The following ZDHHC23 variants were observed in gnomAD, a reference collection of about 807,000 sequenced individuals.
ZDHHC23 encodes the protein zDHHC palmitoyltransferase 23.
Under a neutral mutation model 40.2 loss-of-function variants are expected in ZDHHC23, and 41 were observed. That is an observed-to-expected ratio of 1.02 (90% CI 0.79 to 1.32). The LOEUF is 1.32. Ranked by LOEUF, ZDHHC23 falls within the 40% of genes most tolerant of loss-of-function variation. ZDHHC23 has a pLI of 0.00. For synonymous variants in ZDHHC23, 204 were observed against 210.2 expected, an observed-to-expected ratio of 0.97 and a Z score of 0.26; for missense variants, 471 against 541.5, an observed-to-expected ratio of 0.87 and a Z score of 1.29.
downstream of ZDHHC23, among the ~76,000 whole-genome samples, chr3:113,963,829 A>G (rs1207333634): frequency 2.0e-5 from 3 of 152,142 alleles, no homozygotes; most frequent in African/African-American, 7.2e-5. Context: ...TTGTAAATGT[A>G]CTGTAGTTAG....
chr3:113,953,679 C>T, intron 2 of ZDHHC23, 21 bp from the exon 3 acceptor site: 2 of 1,593,144 alleles, frequency 1.3e-6, no homozygotes, highest in Non-Finnish European at 1.7e-6. Context: ...AGTCCCTCCT[C>T]TTTGTGCTTT....
At chr3:113,978,418 T>C in the ZDHHC23 span, 1 of 1,377,292 alleles carries the variant, frequency 7.3e-7, no homozygotes, top group East Asian at 2.3e-5. Flanking sequence ...AAGACAGAAA[T>C]GAAACAAAAG....
downstream of ZDHHC23, among the ~76,000 whole-genome samples, chr3:113,967,344 G>C (rs1940302190): frequency 6.7e-6 from 1 of 150,290 alleles, no homozygotes. Flanking sequence ...CTCCCCTTTG[G>C]GTGAAATCTT....
downstream of ZDHHC23, among the ~76,000 whole-genome samples, chr3:113,969,800 CTT>C (rs1383609044): frequency 6.6e-6 from 1 of 152,078 alleles, no homozygotes; most frequent in Non-Finnish European, 1.5e-5. Context: ...GAGCTTTGTT[CTT>C]TTTGCTTAGT....
At chr3:113,965,366 GAATA>G (rs1448757829), downstream of ZDHHC23, 5 of 1,526,846 alleles carry the variant, frequency 3.3e-6, no homozygotes, top group Non-Finnish European at 4.4e-6. Context: ...CCTCCTTTAA[GAATA>G]AAGAAGGAAA....
At chr3:113,956,019 G>A (rs2107488944) in intron 3 of ZDHHC23, among the ~76,000 whole-genome samples, 1 of 152,268 alleles carries the variant, frequency 6.6e-6, no homozygotes, top group African/African-American at 2.4e-5. Flanking sequence ...TGAGGTGGGT[G>A]GATCATGAGG....
downstream of ZDHHC23, among the ~76,000 whole-genome samples, chr3:113,967,995 T>C (rs748340696): frequency 1.1e-4 from 17 of 152,200 alleles, no homozygotes; most frequent in Non-Finnish European, 2.1e-4. Flanking sequence ...TAATATTCCA[T>C]TTTGTGTATA....
At chr3:113,957,267 C>G (rs943847176) in intron 4 of ZDHHC23, among the ~76,000 whole-genome samples, 3 of 152,182 alleles carry the variant, frequency 2.0e-5, no homozygotes, top group Admixed American at 1.3e-4. Context: ...TCTTTATTCT[C>G]ACTCTTCATT....
Position 113,960,132 on chromosome 3 carries a change from G to C in ZDHHC23, c.*1502G>C. The C allele has an allele frequency of 8.1e-6, 8 of 990,392 alleles. No individual in the cohort carries two copies. Among genetic ancestry groups the C allele is most frequent in the Non-Finnish European group, 9.6e-6 (8 of 832,718 alleles). 61.4% of individuals were successfully genotyped at this position (990,392 alleles called of 1,614,324 possible). Reference sequence around the variant, plus strand: ...CGTTTTCAGTCATTCTGTGCATGCTGCTTTAAGCAAGAGATTTATATTTGT... The same window carrying C: ...CGTTTTCAGTCATTCTGTGCATGCTCCTTTAAGCAAGAGATTTATATTTGT... On this transcript the variant is annotated 3_prime_UTR_variant, in exon 5 of 5. Coordinates refer to ENST00000638807, the MANE Select transcript of ZDHHC23 (RefSeq NM_001320466.2).
At chr3:113,971,176 C>T in the ZDHHC23 span, among the ~76,000 whole-genome samples, 2 of 152,142 alleles carry the variant, frequency 1.3e-5, no homozygotes, top group Admixed American at 1.3e-4. Flanking sequence ...GTTTACAGTC[C>T]CACCAACAGT....
In ZDHHC23 at chr3:113,963,077, T is replaced by C. The variant is rs1939806439; in HGVS notation, c.*4447T>C. Reference sequence around the variant, plus strand: ...GCCTCTGTGGCTCCCTCAATGTCTCTATCCTGTGGCCCTGTCCCTAGCCCT... The same window carrying C: ...GCCTCTGTGGCTCCCTCAATGTCTCCATCCTGTGGCCCTGTCCCTAGCCCT... On this transcript the variant is annotated 3_prime_UTR_variant, in exon 5 of 5. Transcript: ENST00000638807. 2 of 152,186 alleles carry C rather than the reference T, an allele frequency of 1.3e-5. No individual in the cohort carries two copies. The highest frequency in any genetic ancestry group is 2.9e-5 in the Non-Finnish European group (2 of 68,052). The allele number at this position is 152,186 out of a possible 1,614,324, so 9.4% of individuals were successfully genotyped here. A position where few individuals can be genotyped will look rare whatever the true frequency, so the allele number is the denominator to read the frequency against.
chr3:113,957,476 A>G (rs1463254714), intron 4 of ZDHHC23: 1 of 356,540 alleles, frequency 2.8e-6, no homozygotes, highest in Non-Finnish European at 5.5e-6. Context: ...ATTCTCTGCT[A>G]ACGCTGCAGG....
At position 113,959,920 on chromosome 3, in the gene ZDHHC23, A is replaced by G; in HGVS notation, c.*1290A>G. 1 of 999,154 alleles carries G rather than the reference A, an allele frequency of 1.0e-6. No homozygotes were observed. Among genetic ancestry groups the G allele is most frequent in the Non-Finnish European group, 1.2e-6 (1 of 835,242 alleles). The allele number at this position is 999,154 out of a possible 1,614,324, so 61.9% of individuals were successfully genotyped here. A position where few individuals can be genotyped will look rare whatever the true frequency, so the allele number is the denominator to read the frequency against. On this transcript the variant is annotated 3_prime_UTR_variant, in exon 5 of 5. Transcript: ENST00000638807. ...TCATATCTTAAAACCGAAAATGTAT[A>G]AAAGATTAAATATTTATGTACAATG... is the stretch of plus-strand genomic sequence containing the variant.
In ZDHHC23 at chr3:113,960,313, G is replaced by A; in HGVS notation, c.*1683G>A. The A allele has an allele frequency of 9.6e-7, 1 of 1,038,686 alleles. No individual in the cohort carries two copies. Among genetic ancestry groups the A allele is most frequent in the Non-Finnish European group, 1.2e-6 (1 of 864,344 alleles). 64.3% of individuals were successfully genotyped at this position (1,038,686 alleles called of 1,614,324 possible). A position where few individuals can be genotyped will look rare whatever the true frequency, so the allele number is the denominator to read the frequency against. ...GAGATGGTTTGTTTAACGAATGATA[G>A]GCTCTGTGCCTGGGGATGTTAGCAG... On this transcript the variant is annotated 3_prime_UTR_variant, in exon 5 of 5. Coordinates refer to ENST00000638807, the MANE Select transcript of ZDHHC23 (RefSeq NM_001320466.2).
chr3:113,967,682 A>G (rs1940352047), downstream of ZDHHC23, among the ~76,000 whole-genome samples: 1 of 152,186 alleles, frequency 6.6e-6, no homozygotes, highest in South Asian at 2.1e-4. Context: ...AATGCACAAT[A>G]GGTTATTATT....
downstream of ZDHHC23, among the ~76,000 whole-genome samples, chr3:113,969,697 A>G (rs1159646621): frequency 2.0e-5 from 3 of 151,986 alleles, no homozygotes; most frequent in African/African-American, 7.3e-5. Context: ...ATTCTATTTC[A>G]TTGGTCTATA....
intron 4 of ZDHHC23, chr3:113,957,475 TA>T: frequency 2.8e-6 from 1 of 356,908 alleles, no homozygotes; most frequent in South Asian, 2.1e-5. Flanking sequence ...AATTCTCTGC[TA>T]ACGCTGCAGG....
chr3:113,955,377 T>C (rs1254462929), intron 3 of ZDHHC23, among the ~76,000 whole-genome samples: 2 of 147,628 alleles, frequency 1.4e-5, no homozygotes, highest in Non-Finnish European at 3.0e-5. Context: ...TGTGTGTGTG[T>C]GTGTGTGTGT....
chr3:113,948,852 A>G lies in ZDHHC23; in HGVS notation c.50A>G (p.Glu17Gly). 6.2e-7 allele frequency: 1 copy of G among 1,614,256 alleles called. No homozygotes were observed. Among genetic ancestry groups the G allele is most frequent in the Non-Finnish European group, 8.5e-7 (1 of 1,180,046 alleles). ...CCTGTGAAGAAAAAGAAAACCGAAG[A>G]ACCTGAATTGGAGCCCCTGTGCTGC... The part of the protein sequence containing the change: ...MKPVKKKKTE[E>G]PELEPLCCCE... Residue 17 changes from glutamate (E) to glycine (G), a missense_variant, in exon 2 of 5, where the codon GAA becomes GGA. By Grantham distance (98) the Glu-to-Gly change is moderately conservative (BLOSUM62 -2). Around this residue, in one of 3 missense-constraint regions of ZDHHC23, gnomAD observed 83 missense variants for 67.8 expected, o/e 1.22. Transcript: ENST00000638807.
Sources: allele counts gnomAD v4.1 joint callset (sites outside exome capture counted in the v4.1 genomes callset), GRCh38; gene constraint gnomAD v4.1.1; regional missense constraint gnomAD v4.1.1; transcripts MANE v1.5; gene names NCBI Gene and HGNC (gene_info 2026-07-23, HGNC 2026-07-21).